LMLN: variants seen among roughly 807,000 people sequenced by gnomAD.
The protein encoded by LMLN is leishmanolysin like peptidase.
In LMLN, 70 loss-of-function variants were observed where a neutral mutation model predicts 92.3. The ratio of observed to expected loss-of-function variants is 0.76; its 90% CI spans 0.63 to 0.92. The LOEUF (loss-of-function observed/expected upper bound fraction) is 0.92. Among genes scored for constraint, LMLN ranks in the 40% least tolerant of loss-of-function variants. LMLN has a pLI of 0.00. For missense variants in LMLN, 691 were observed against 814.6 expected (o/e 0.85, Z 1.85); for synonymous variants, 308 against 296.2 (o/e 1.04, Z -0.41).
chr3:197,996,780 T>C lies in LMLN; in HGVS notation c.1155+498T>C, dbSNP rs1182230617. The stretch of plus-strand genomic sequence containing the variant: ...CTAGTATTTTATTAAAATTTTTATG[T>C]TTTTTAGAGACAGGGCCTCACTGTG... On this transcript the variant is annotated intron_variant, in intron 10 of 15. Coordinates refer to ENST00000330198, the Ensembl canonical transcript of LMLN. 5.9e-5 allele frequency among the ~76,000 whole-genome samples: 9 copies of C among 152,128 alleles called. No homozygotes were observed. The South Asian group carries it at 6.2e-4, about 11-fold the overall frequency.
intron 6 of LMLN, among the ~76,000 whole-genome samples, chr3:197,983,675 C>A (rs71325650): frequency 6.6e-6 from 1 of 151,998 alleles, no homozygotes; most frequent in African/African-American, 2.4e-5. Context: ...CCTTTCAGTT[C>A]GTTCTTTTTT....
chr3:197,960,291 C>G lies in LMLN; in HGVS notation c.70C>G (p.Pro24Ala). 5 of 1,613,784 alleles carry G rather than the reference C, an allele frequency of 3.1e-6. No individual in the cohort carries two copies. Among genetic ancestry groups the G allele is most frequent in the African/African-American group, 1.3e-5 (1 of 75,058 alleles). ...AGGAGTGGGTTACTCGGGCTCAGGCCCGGGCCGGAGCCGGTGGCGCTGGAG... is the reference window on the plus strand; with the variant it reads ...AGGAGTGGGTTACTCGGGCTCAGGCGCGGGCCGGAGCCGGTGGCGCTGGAG... The change falls in exon 1 of 16, where the codon CCG becomes GCG. Residue 24 changes from proline (P) to alanine (A), a missense_variant. This residue lies in a region of LMLN where 91 missense variants were observed against 52.5 expected (regional missense o/e 1.73). Transcript: ENST00000330198.
intron 1 of LMLN, among the ~76,000 whole-genome samples, chr3:197,970,652 A>G (rs1169761174): frequency 2.6e-5 from 4 of 152,222 alleles, no homozygotes; most frequent in African/African-American, 9.6e-5. Context: ...CAAATGTTCA[A>G]CATAAACCAT....
chr3:197,976,741 CT>C, intron 5 of LMLN, 26 bp downstream of exon 5: 3 of 1,175,540 alleles, frequency 2.6e-6, no homozygotes, highest in South Asian at 3.3e-5. Flanking sequence ...CTTGGCAGTG[CT>C]TTTACACCTG....
In LMLN at chr3:198,019,517, A is replaced by C. The variant is rs1722724880; in HGVS notation, c.1365+132A>C. 1.2e-6 allele frequency: 1 copy of C among 850,886 alleles called. No individual in the cohort carries two copies. The highest frequency in any genetic ancestry group is 3.4e-5 in the Admixed American group (1 of 29,698). 52.7% of individuals were successfully genotyped at this position (850,886 alleles called of 1,614,324 possible). A position where few individuals can be genotyped will look rare whatever the true frequency, so the allele number is the denominator to read the frequency against. On this transcript the variant is annotated intron_variant, in intron 12 of 15. Transcript: ENST00000330198. This position sits in a 1 kb window ranked among gnomAD's most constrained non-coding sequence, Gnocchi z 5.5. ...TTTGTTTTCTGTAAGTTAGAAAAAA[A>C]TGGAATAATGCTTCCATTTCTTTAA...
intron 11 of LMLN, among the ~76,000 whole-genome samples, chr3:198,008,046 A>C (rs1347443579): frequency 6.6e-6 from 1 of 152,146 alleles, no homozygotes; most frequent in African/African-American, 2.4e-5. Flanking sequence ...TTGATTTTCA[A>C]ATATTAAATC....
At chr3:198,021,676 T>A in intron 13 of LMLN, 71 bp downstream of exon 14, 2 of 1,363,914 alleles carry the variant, frequency 1.5e-6, no homozygotes, top group Non-Finnish European at 2.1e-6. Context: ...GAATCGTGGT[T>A]AAGGGCACAG....
At chr3:198,027,553 C>A (rs1722967926) in intron 14 of LMLN, among the ~76,000 whole-genome samples, 1 of 152,120 alleles carries the variant, frequency 6.6e-6, no homozygotes, top group South Asian at 2.1e-4. Context: ...TATTCTACGT[C>A]CTCTCTCTGT....
rs1449925826 is a variant in LMLN, at chr3:197,999,540, T to C, written c.1232+198T>C. 6 of 576,372 alleles carry C rather than the reference T, an allele frequency of 1.0e-5. No homozygotes were observed. In the East Asian group the frequency reaches 1.5e-4, roughly 14 times the overall value. The allele number at this position is 576,372 out of a possible 1,614,324, so 35.7% of individuals were successfully genotyped here. A position where few individuals can be genotyped will look rare whatever the true frequency, so the allele number is the denominator to read the frequency against. ...GTTCATTCAATAAATACTTTTGTTG[T>C]TGGTTTTAAAATAGGGTCTCACTCC... On this transcript the variant is annotated intron_variant, in intron 11 of 15. Coordinates refer to ENST00000330198, the Ensembl canonical transcript of LMLN.
At chr3:198,033,962 CAACTT>C (rs1723144637) in intron 14 of LMLN, among the ~76,000 whole-genome samples, 11 of 152,198 alleles carry the variant, frequency 7.2e-5, no homozygotes, top group Admixed American at 7.2e-4. Context: ...TGATATATTT[CAACTT>C]AACTGATGAT....
intron 6 of LMLN, among the ~76,000 whole-genome samples, chr3:197,982,607 G>A (rs1721592019): frequency 1.3e-5 from 2 of 152,106 alleles, no homozygotes; most frequent in Non-Finnish European, 2.9e-5. Flanking sequence ...ATATTTGAGC[G>A]GCCAACAGAT....
chr3:198,017,730 A>G (rs1463554056), intron 11 of LMLN, among the ~76,000 whole-genome samples: 2 of 152,184 alleles, frequency 1.3e-5, no homozygotes, highest in Non-Finnish European at 2.9e-5. Context: ...CATCCTGGCC[A>G]AGATGATGAA....
In LMLN at chr3:197,968,308, TA is replaced by T. The variant is rs1030995045; in HGVS notation, c.220-6057del. Among the ~76,000 whole-genome samples the T allele has an allele frequency of 5.5e-4, 79 of 143,374 alleles. 1 individual carries two copies. Among genetic ancestry groups the T allele is most frequent in the Middle Eastern group, 3.5e-3 (1 of 284 alleles). 94.1% of individuals were successfully genotyped at this position (143,374 alleles called of 152,430 possible). On this transcript the variant is annotated intron_variant, in intron 1 of 15. Coordinates refer to ENST00000330198, the Ensembl canonical transcript of LMLN. ...GGTGAAACCCCGTCTGTACTAAAAA[TA>T]AAAAAAAAAAATTAGCTGGGTGTGG... is the stretch of plus-strand genomic sequence containing the variant.
At chr3:197,962,587 C>T (rs1371539711) in intron 1 of LMLN, among the ~76,000 whole-genome samples, 1 of 152,216 alleles carries the variant, frequency 6.6e-6, no homozygotes, top group Non-Finnish European at 1.5e-5. Context: ...ACACCCCCAT[C>T]AACAAAATAT....
Position 197,968,962 on chromosome 3 carries a change from G to C in LMLN, c.220-5415G>C, listed in dbSNP as rs987897864. Among the ~76,000 whole-genome samples the C allele has an allele frequency of 2.6e-5, 4 of 152,150 alleles. No homozygotes were observed. In the East Asian group the frequency reaches 7.7e-4, roughly 29 times the overall value. On this transcript the variant is annotated intron_variant, in intron 1 of 15. Coordinates refer to ENST00000330198, the Ensembl canonical transcript of LMLN. ...TCTCAAAGAATTTCACTTCATTTAA[G>C]TTGTCAAATTTATGGACATGAAGTT...
intron 13 of LMLN, among the ~76,000 whole-genome samples, chr3:198,022,025 C>T (rs952592737): frequency 7.2e-5 from 11 of 152,136 alleles, no homozygotes; most frequent in African/African-American, 1.2e-4. Flanking sequence ...CCCAGATAGG[C>T]GGATAGATAC....
intron 11 of LMLN, among the ~76,000 whole-genome samples, chr3:198,018,006 G>A (rs942961548): frequency 6.6e-5 from 10 of 152,296 alleles, no homozygotes; most frequent in Non-Finnish European, 1.3e-4. Flanking sequence ...CAGCACAGAT[G>A]TACACCTTTT....
At chr3:198,002,887 A>G in intron 11 of LMLN, 128 bp from the exon 12 acceptor site, 1 of 582,164 alleles carries the variant, frequency 1.7e-6, no homozygotes. Context: ...ACTTACAGTG[A>G]TGGCCTCTGG....
chr3:198,026,083 A>G (rs1328595347), intron 14 of LMLN, among the ~76,000 whole-genome samples: 34 of 151,708 alleles, frequency 2.2e-4, no homozygotes, highest in Admixed American at 2.2e-3. Flanking sequence ...GCCATCTGAG[A>G]AGCTGGGACT....
Sources: allele counts gnomAD v4.1 joint callset (sites outside exome capture counted in the v4.1 genomes callset), GRCh38; gene constraint gnomAD v4.1.1; regional missense constraint gnomAD v4.1.1; non-coding constraint Gnocchi (gnomAD v3.1); transcripts MANE v1.5; gene names NCBI Gene and HGNC (gene_info 2026-07-23, HGNC 2026-07-21).